Variants in SAMD5 observed in about 807,000 individuals in gnomAD.
SAMD5 encodes sterile alpha motif domain containing 5.
Under a neutral mutation model 11.3 loss-of-function variants are expected in SAMD5, and 13 were observed. That is an observed-to-expected ratio of 1.15 (90% CI 0.75 to 1.83). SAMD5 has a LOEUF of 1.83. SAMD5 is among the 40% of genes most tolerant of loss of function. The pLI is 0.00. For synonymous variants in SAMD5, 129 were observed against 111.3 expected (o/e 1.16, Z -1.00); for missense variants, 255 against 239.1 (o/e 1.07, Z -0.44).
chr6:147,572,915 C>T (rs983627245), downstream of SAMD5, among the ~76,000 whole-genome samples: 1 of 152,012 alleles, frequency 6.6e-6, no homozygotes, highest in Non-Finnish European at 1.5e-5. Context: ...TTATTTCTTC[C>T]CCAAAGGGTA....
the SAMD5 span, among the ~76,000 whole-genome samples, chr6:147,829,698 G>T: frequency 6.6e-6 from 1 of 152,102 alleles, no homozygotes; most frequent in African/African-American, 2.4e-5. Flanking sequence ...CTCTTTCCAG[G>T]TGTTCTCCAG....
chr6:147,809,057 A>G, the SAMD5 span, among the ~76,000 whole-genome samples: 1 of 152,210 alleles, frequency 6.6e-6, no homozygotes. Context: ...ATGGGAAAAA[A>G]TAGAATTTAA....
the SAMD5 span, among the ~76,000 whole-genome samples, chr6:147,786,847 A>T: frequency 4.4e-4 from 67 of 152,326 alleles, no homozygotes; most frequent in East Asian, 8.7e-3. Flanking sequence ...GGAATATTCT[A>T]GTATGTTTGA....
intron 1 of SAMD5, among the ~76,000 whole-genome samples, chr6:147,550,900 T>TTA (rs10677162): frequency 0.61 from 91,592 of 150,346 alleles, 28,935 homozygotes; most frequent in East Asian, 0.92. Context: ...CCTCTTATAT[T>TTA]TATATATATA....
chr6:147,627,804 C>CA (rs1379291067), intron 1 of SAMD5, among the ~76,000 whole-genome samples: 2 of 151,450 alleles, frequency 1.3e-5, no homozygotes, highest in East Asian at 3.9e-4. Context: ...AAATTTGTCT[C>CA]AAAAAAAAGG....
At chr6:147,575,736 C>A (rs1167772372) in intron 1 of SAMD5, among the ~76,000 whole-genome samples, 2 of 152,180 alleles carry the variant, frequency 1.3e-5, no homozygotes, top group African/African-American at 4.8e-5. Context: ...TGACTCTCTG[C>A]TAATATTATT....
rs182119699 is a variant in SAMD5 at position 147,680,603 on chromosome 6, C to G, written c.163-56714C>G. On this transcript the variant is annotated intron_variant, in intron 1 of 1. Transcript: ENST00000566741. Reference sequence around the variant, plus strand: ...GCTTTGTACTTAATCTTAGGTGGAACGCATTCACTCTTTCATCATTAAGTA... The same window carrying G: ...GCTTTGTACTTAATCTTAGGTGGAAGGCATTCACTCTTTCATCATTAAGTA... Among the ~76,000 whole-genome samples the G allele has an allele frequency of 8.8e-4, 134 of 152,148 alleles. 2 individuals carry two copies. Among genetic ancestry groups the G allele is most frequent in the African/African-American group, 3.2e-3 (132 of 41,546 alleles).
the SAMD5 span, among the ~76,000 whole-genome samples, chr6:147,846,116 A>C: frequency 6.6e-6 from 1 of 152,192 alleles, no homozygotes; most frequent in Admixed American, 6.5e-5. Context: ...GTGAAAAAAA[A>C]AAAGCTATTT....
the SAMD5 span, among the ~76,000 whole-genome samples, chr6:147,822,487 A>G: frequency 2.0e-5 from 3 of 152,344 alleles, no homozygotes; most frequent in South Asian, 4.1e-4. Context: ...GCTATAAATT[A>G]AGTATATAGA....
rs9390482 is a variant in SAMD5 at position 147,639,530 on chromosome 6, G to T, written c.163-97787G>T. Among the ~76,000 whole-genome samples the T allele has an allele frequency of 8.0e-3, 1,214 of 152,272 alleles. 54 individuals are homozygous for T. The highest frequency in any genetic ancestry group is 0.064 in the Admixed American group (983 of 15,300). ...CTATGGCTCATCCTCATCTCAGCGG[G>T]CTTCACTCCCAAGGGGTGGGTGCTA... On this transcript the variant is annotated intron_variant, in intron 1 of 1. Coordinates refer to the SAMD5 transcript ENST00000566741.
Position 147,569,352 on chromosome 6 carries a change from G to A in SAMD5, c.*4896G>A, listed in dbSNP as rs978598499. Reference sequence around the variant, plus strand: ...TTATTTTTTATTACTGCAGTTGAGAGATACCTTTTCAGAGGAAAACAAGAG... The same window carrying A: ...TTATTTTTTATTACTGCAGTTGAGAAATACCTTTTCAGAGGAAAACAAGAG... On this transcript the variant is annotated 3_prime_UTR_variant, in exon 2 of 2. Coordinates refer to ENST00000367474, the MANE Select transcript of SAMD5 (RefSeq NM_001030060.3). 23 of 787,756 alleles carry A rather than the reference G, an allele frequency of 2.9e-5. No individual in the cohort carries two copies. The highest frequency in any genetic ancestry group is 3.5e-5 in the Non-Finnish European group (23 of 650,214). The allele number at this position is 787,756 out of a possible 1,614,324, so 48.8% of individuals were successfully genotyped here.
chr6:147,933,754 T>A, the SAMD5 span, among the ~76,000 whole-genome samples: 1 of 152,216 alleles, frequency 6.6e-6, no homozygotes, highest in East Asian at 1.9e-4. Flanking sequence ...GCATCTGTAC[T>A]ACCATGAGCA....
At chr6:147,829,943 A>G in the SAMD5 span, among the ~76,000 whole-genome samples, 3 of 152,158 alleles carry the variant, frequency 2.0e-5, no homozygotes, top group African/African-American at 7.2e-5. Context: ...TCTATTATAC[A>G]TGTGTTCATT....
chr6:147,917,636 C>T, the SAMD5 span, among the ~76,000 whole-genome samples: 6 of 152,076 alleles, frequency 3.9e-5, no homozygotes, highest in East Asian at 1.2e-3. Context: ...CTTGCCCATG[C>T]CTATGTCCTG....
chr6:147,607,262 T>C (rs1028290317), intron 1 of SAMD5, among the ~76,000 whole-genome samples: 3 of 152,110 alleles, frequency 2.0e-5, no homozygotes, highest in African/African-American at 4.8e-5. Context: ...TACTACCCAA[T>C]ACAATCTACA....
At chr6:147,775,548 T>G in the SAMD5 span, among the ~76,000 whole-genome samples, 1 of 152,322 alleles carries the variant, frequency 6.6e-6, no homozygotes, top group South Asian at 2.1e-4. Context: ...AATAAATGTA[T>G]ATTAATTCAG....
the SAMD5 span, among the ~76,000 whole-genome samples, chr6:147,827,338 G>C: frequency 6.6e-6 from 1 of 151,978 alleles, no homozygotes; most frequent in East Asian, 1.9e-4. Context: ...AGGGAACAAG[G>C]AAGGAATAGT....
chr6:147,573,938 C>T (rs368697485), downstream of SAMD5, among the ~76,000 whole-genome samples: 2 of 152,120 alleles, frequency 1.3e-5, no homozygotes, highest in African/African-American at 4.8e-5. Flanking sequence ...TCCTGGCCAA[C>T]GTGGTGAAAC....
At chr6:147,559,038 A>G (rs1398306634) in intron 1 of SAMD5, among the ~76,000 whole-genome samples, 1 of 152,194 alleles carries the variant, frequency 6.6e-6, no homozygotes, top group African/African-American at 2.4e-5. Flanking sequence ...TCAGCTGTTA[A>G]TTATTAAATA....
Sources: gnomAD v4.1 joint callset for allele counts (sites outside exome capture counted in the v4.1 genomes callset) on GRCh38, gnomAD v4.1.1 for gene constraint, MANE v1.5 for transcripts, NCBI Gene and HGNC (gene_info 2026-07-23, HGNC 2026-07-21) for gene names.